The following ASH2L variants were observed in gnomAD, a reference collection of about 807,000 sequenced individuals.
The protein encoded by ASH2L is set1/Ash2 histone methyltransferase complex subunit ASH2.
In ASH2L, 30 loss-of-function variants were observed where a neutral mutation model predicts 81.1. The observed-to-expected ratio is 0.37, with a 90% CI of 0.28 to 0.50. The LOEUF (loss-of-function observed/expected upper bound fraction) is 0.50, where lower values mean the gene tolerates loss of function less well. Ranked by LOEUF, ASH2L falls within the 20% of genes least tolerant of loss-of-function variation. The pLI, the probability that ASH2L is intolerant of heterozygous loss-of-function variation, is 0.95. For synonymous variants in ASH2L, 273 were observed against 279.9 expected, an observed-to-expected ratio of 0.98 and a Z score of 0.24; for missense variants, 559 against 792.1, an observed-to-expected ratio of 0.71 and a Z score of 3.53.
In ASH2L at chr8:38,105,562, A is replaced by C; in HGVS notation, c.12A>C (p.Ala4=). The C allele has an allele frequency of 6.4e-7, 1 of 1,572,386 alleles. No individual in the cohort carries two copies. Among genetic ancestry groups the C allele is most frequent in the Non-Finnish European group, 8.6e-7 (1 of 1,157,764 alleles). MAA[A]GAGPGQEAGA... ...CAGGGGTGGCCGTGATGGCGGCGGC[A>C]GGAGCAGGACCTGGCCAGGAAGCGG... The change falls in exon 1 of 16, where the codon GCA becomes GCC. Residue 4 remains alanine (A), a synonymous_variant. Coordinates refer to ENST00000343823, the MANE Select transcript of ASH2L (RefSeq NM_004674.5).
intron 12 of ASH2L, among the ~76,000 whole-genome samples, chr8:38,132,023 ATTT>A (rs1357476937): frequency 6.6e-6 from 1 of 152,028 alleles, no homozygotes; most frequent in Non-Finnish European, 1.5e-5. Flanking sequence ...TAATTTTTAT[ATTT>A]TTAGTAGAGA....
intron 12 of ASH2L, among the ~76,000 whole-genome samples, chr8:38,132,313 T>G (rs1802093849): frequency 6.6e-6 from 1 of 152,240 alleles, no homozygotes; most frequent in Non-Finnish European, 1.5e-5. Flanking sequence ...TCTTCTTTTC[T>G]AACCATGTTT....
rs757374532 is a variant in ASH2L, at chr8:38,114,876, A to G, written c.682-29A>G. 29 of 1,410,468 alleles carry G rather than the reference A, an allele frequency of 2.1e-5. No homozygotes were observed. The Middle Eastern group carries it at 2.9e-3, about 141-fold the overall frequency. The allele number at this position is 1,410,468 out of a possible 1,614,324, so 87.4% of individuals were successfully genotyped here. ...CCATACTTTTAAGTATAAAATGTTC[A>G]TTAATAGTAAAACACTACTTCTTTT... On this transcript the variant is annotated intron_variant, in intron 6 of 15. Transcript: ENST00000343823.
chr8:38,128,139 C>T, intron 10 of ASH2L, 152 bp from the exon 11 acceptor site: 3 of 896,002 alleles, frequency 3.3e-6, no homozygotes, highest in Non-Finnish European at 5.1e-6. Flanking sequence ...GTATCTTATG[C>T]TGAGATTTTT....
intron 6 of ASH2L, chr8:38,114,684 T>C (rs1810820267): frequency 4.0e-6 from 2 of 504,796 alleles, no homozygotes; most frequent in Non-Finnish European, 3.5e-6. Context: ...CTTTGTGAAA[T>C]AGAAGGATAG....
chr8:38,108,208 A>G (rs1810535452), intron 3 of ASH2L, among the ~76,000 whole-genome samples: 1 of 151,846 alleles, frequency 6.6e-6, no homozygotes, highest in Non-Finnish European at 1.5e-5. Context: ...GAGTGTTTTT[A>G]AAAAGAAAGA....
chr8:38,127,805 T>G (rs1298020288), intron 10 of ASH2L, among the ~76,000 whole-genome samples: 2 of 148,234 alleles, frequency 1.3e-5, no homozygotes, highest in African/African-American at 5.0e-5. Flanking sequence ...TCCAACACTT[T>G]GGGAGACCAA....
rs113120006 is a variant in ASH2L, at chr8:38,121,261, C to G, written c.1165+112C>G. ...CTCAGTCTGTTGCCACTGCCTCACC[C>G]CCATCTCTGTCTAGATTCATCCAGA... On this transcript the variant is annotated intron_variant, in intron 10 of 15. Transcript: ENST00000343823. 4.0e-3 allele frequency: 3,539 copies of G among 882,562 alleles called. 87 individuals carry two copies. The African/African-American group carries it at 0.053, about 13-fold the overall frequency. 54.7% of individuals were successfully genotyped at this position (882,562 alleles called of 1,614,324 possible).
At chr8:38,110,642 C>T in intron 4 of ASH2L, 97 bp from the exon 5 acceptor site, 1 of 1,204,038 alleles carries the variant, frequency 8.3e-7, no homozygotes, top group South Asian at 1.3e-5. Flanking sequence ...CATTTTGCTG[C>T]TATAATTGTT....
intron 4 of ASH2L, 68 bp from the exon 5 acceptor site, chr8:38,110,671 C>T (rs775958546): frequency 1.0e-5 from 14 of 1,342,400 alleles, no homozygotes; most frequent in East Asian, 2.3e-5. Flanking sequence ...GACCACTTAT[C>T]GAGTATTCCC....
chr8:38,120,868 CA>C, intron 9 of ASH2L, 63 bp from the exon 10 acceptor site: 5 of 1,367,292 alleles, frequency 3.7e-6, no homozygotes, highest in Non-Finnish European at 4.1e-6. Context: ...CTTTCTTACA[CA>C]GTTGAATGCA....
At chr8:38,105,501 C>A (rs924423090), upstream of ASH2L, 6 of 1,478,308 alleles carry the variant, frequency 4.1e-6, no homozygotes, top group African/African-American at 5.8e-5. Flanking sequence ...CACACAGCAA[C>A]GCGCGCGAGA....
chr8:38,109,246 T>C (rs983812364), intron 3 of ASH2L, among the ~76,000 whole-genome samples: 1 of 152,236 alleles, frequency 6.6e-6, no homozygotes, highest in Non-Finnish European at 1.5e-5. Context: ...AGGTTTTGTC[T>C]TTGTAAATAA....
In ASH2L at chr8:38,120,271, G is replaced by A. The variant is rs529000415; in HGVS notation, c.948-661G>A. ...CTAGGGAGTGAAGTTCTGTTAAGGC[G>A]ACTTGAGAAAGGATAGGTGGGGAGG... On this transcript the variant is annotated intron_variant, in intron 9 of 15. Coordinates refer to ENST00000343823, the MANE Select transcript of ASH2L (RefSeq NM_004674.5). Among the ~76,000 whole-genome samples the A allele has an allele frequency of 1.4e-3, 208 of 152,286 alleles. 1 individual carries two copies. Among genetic ancestry groups the A allele is most frequent in the African/African-American group, 4.7e-3 (196 of 41,556 alleles).
chr8:38,109,345 G>A (rs973012670), intron 3 of ASH2L, among the ~76,000 whole-genome samples: 2 of 152,198 alleles, frequency 1.3e-5, no homozygotes, highest in Non-Finnish European at 2.9e-5. Context: ...AGAATGTTTC[G>A]TAATTCCATG....
intron 7 of ASH2L, among the ~76,000 whole-genome samples, chr8:38,115,532 T>C (rs984714659): frequency 5.9e-5 from 9 of 152,204 alleles, no homozygotes; most frequent in African/African-American, 1.9e-4. Context: ...CCCGGTGCAG[T>C]GGCTCATGCC....
At chr8:38,105,962 C>G (rs1810408099) in intron 1 of ASH2L, 6 of 1,523,488 alleles carry the variant, frequency 3.9e-6, no homozygotes, top group Non-Finnish European at 5.3e-6. Flanking sequence ...CTGTCGTTAT[C>G]TCTGATCCTT....
rs1309762396 is a variant in ASH2L at position 38,126,277 on chromosome 8, T to G, written c.1166-2014T>G. On this transcript the variant is annotated intron_variant, in intron 10 of 15. Transcript: ENST00000343823. ...TTCTACAAACTGAAATGACCAATATTCTTCAAAGTGTCAAGCTTATGAAAG... is the reference window on the plus strand; with the variant it reads ...TTCTACAAACTGAAATGACCAATATGCTTCAAAGTGTCAAGCTTATGAAAG... Among the ~76,000 whole-genome samples the G allele has an allele frequency of 2.6e-5, 4 of 152,064 alleles. No homozygotes were observed. In the East Asian group the frequency reaches 7.7e-4, roughly 29 times the overall value.
chr8:38,131,398 G>A (rs561151069), intron 12 of ASH2L, among the ~76,000 whole-genome samples: 6 of 151,714 alleles, frequency 4.0e-5, no homozygotes, highest in Non-Finnish European at 5.9e-5. Context: ...GTGGCTCCAT[G>A]CTTGGGAGGC....
Sources: allele counts gnomAD v4.1 joint callset (sites outside exome capture counted in the v4.1 genomes callset), GRCh38; gene constraint gnomAD v4.1.1; transcripts MANE v1.5; gene names NCBI Gene and HGNC (gene_info 2026-07-23, HGNC 2026-07-21).